Variants in DYNLL1 observed in about 807,000 individuals in gnomAD.
DYNLL1 encodes dynein light chain 1, cytoplasmic.
DYNLL1 carries 3 observed loss-of-function variants against 10.1 expected under a neutral mutation model. That is an observed-to-expected ratio of 0.30 (90% CI 0.14 to 0.77). The LOEUF is 0.77. Among genes scored for constraint, DYNLL1 ranks in the 30% least tolerant of loss-of-function variants. The pLI is 0.66. For synonymous variants in DYNLL1, 46 were observed against 41.2 expected, an observed-to-expected ratio of 1.12 and a Z score of -0.45; for missense variants, 47 against 111.7, an observed-to-expected ratio of 0.42 and a Z score of 2.61.
chr12:120,483,055 A>T (rs1463965458), intron 1 of DYNLL1, among the ~76,000 whole-genome samples: 2 of 151,956 alleles, frequency 1.3e-5, no homozygotes, highest in Non-Finnish European at 2.9e-5. Flanking sequence ...AAAGAAAAAA[A>T]AAGGCCAGGC....
At chr12:120,470,471 TTTTG>T (rs1201679081) in intron 1 of DYNLL1, among the ~76,000 whole-genome samples, 3 of 152,154 alleles carry the variant, frequency 2.0e-5, no homozygotes, top group Admixed American at 6.5e-5. Flanking sequence ...CCAGAAGACT[TTTTG>T]TTTGTTTTTG....
chr12:120,483,437 T>G (rs528575703), intron 1 of DYNLL1, among the ~76,000 whole-genome samples: 2 of 151,956 alleles, frequency 1.3e-5, no homozygotes, highest in African/African-American at 4.8e-5. Flanking sequence ...TTAAATTAGA[T>G]GTGAGGTGTG....
At chr12:120,470,667 G>A (rs1878628409) in intron 1 of DYNLL1, among the ~76,000 whole-genome samples, 1 of 152,102 alleles carries the variant, frequency 6.6e-6, no homozygotes, top group South Asian at 2.1e-4. Context: ...GAACTCCTGG[G>A]CTCAACCGAT....
In DYNLL1 at chr12:120,480,980, C is replaced by T. The variant is rs191309387; in HGVS notation, c.-7+10876C>T. On this transcript the variant is annotated intron_variant, in intron 1 of 2. Coordinates refer to the DYNLL1 transcript ENST00000392509. ...TTCACCATGTTCGCCAGGATGGTCT[C>T]GATCTCCTGACCTCGTGATCTGCCC... 3.2e-4 allele frequency among the ~76,000 whole-genome samples: 49 copies of T among 152,122 alleles called. No homozygotes were observed. In the East Asian group the frequency reaches 7.2e-3, roughly 22 times the overall value.
At chr12:120,479,465 AAAAAATAATAAT>A (rs1878834770) in intron 1 of DYNLL1, among the ~76,000 whole-genome samples, 1 of 125,010 alleles carries the variant, frequency 8.0e-6, no homozygotes, top group African/African-American at 2.8e-5. Context: ...AAAAAAAAAA[AAAAAATAATAAT>A]AATAATAATA....
intron 1 of DYNLL1, among the ~76,000 whole-genome samples, chr12:120,487,140 A>T (rs1372873078): frequency 6.6e-6 from 1 of 150,866 alleles, no homozygotes; most frequent in East Asian, 1.9e-4. Context: ...ACACCCGGCT[A>T]ATTTTTTGTA....
chr12:120,470,724 G>A (rs1345793958), intron 1 of DYNLL1, among the ~76,000 whole-genome samples: 3 of 151,290 alleles, frequency 2.0e-5, no homozygotes, highest in African/African-American at 4.8e-5. Flanking sequence ...GCTTGAGCCC[G>A]GCGCCCGGCT....
intron 1 of DYNLL1, among the ~76,000 whole-genome samples, chr12:120,487,068 A>G (rs1192948884): frequency 7.1e-6 from 1 of 139,926 alleles, no homozygotes; most frequent in Non-Finnish European, 1.5e-5. Context: ...TCTGCCTCCC[A>G]GGTTCACACC....
chr12:120,487,220 G>C (rs182464820), intron 1 of DYNLL1, among the ~76,000 whole-genome samples: 1 of 129,388 alleles, frequency 7.7e-6, no homozygotes, highest in East Asian at 2.5e-4. Context: ...TGATCCACCC[G>C]CCTCAGCCTC....
At chr12:120,476,281 TA>T (rs886356663) in intron 1 of DYNLL1, among the ~76,000 whole-genome samples, 1 of 149,644 alleles carries the variant, frequency 6.7e-6, no homozygotes, top group East Asian at 2.0e-4. Flanking sequence ...TCCTTAAAGG[TA>T]AAAAACAAGT....
chr12:120,471,211 A>C (rs184070552), intron 1 of DYNLL1, among the ~76,000 whole-genome samples: 3,374 of 71,716 alleles, frequency 0.047, 129 homozygotes, highest in African/African-American at 0.13. Flanking sequence ...CTAAAAATAC[A>C]AAAAAAAAAA....
At chr12:120,481,100 A>C (rs1252952915) in intron 1 of DYNLL1, among the ~76,000 whole-genome samples, 1 of 151,958 alleles carries the variant, frequency 6.6e-6, no homozygotes, top group Non-Finnish European at 1.5e-5. Flanking sequence ...GTAGTTTATG[A>C]TTCTTATATT....
upstream of DYNLL1, among the ~76,000 whole-genome samples, chr12:120,492,672 G>C (rs1157493970): frequency 6.6e-6 from 1 of 152,182 alleles, no homozygotes; most frequent in Non-Finnish European, 1.5e-5. This position sits in a 1 kb window ranked among gnomAD's most constrained non-coding sequence, Gnocchi z 4.1. Flanking sequence ...TCCAAAGCCC[G>C]TGCTCTCAGA....
intron 1 of DYNLL1, among the ~76,000 whole-genome samples, chr12:120,481,819 G>GTTTAATCAT (rs1333256768): frequency 6.6e-6 from 1 of 152,212 alleles, no homozygotes; most frequent in Non-Finnish European, 1.5e-5. Context: ...CCATATGTAT[G>GTTTAATCAT]TTAATAAAAT....
chr12:120,485,251 C>CTTTTTTTTT (rs34043402), intron 1 of DYNLL1, among the ~76,000 whole-genome samples: 2 of 76,844 alleles, frequency 2.6e-5, no homozygotes, highest in Non-Finnish European at 4.8e-5. Flanking sequence ...TTGTAGAAGG[C>CTTTTTTTTT]TTTTTTTTTT....
At chr12:120,496,696 G>A in intron 2 of DYNLL1, 143 bp downstream of exon 2, 2 of 1,353,844 alleles carry the variant, frequency 1.5e-6, no homozygotes, top group South Asian at 1.3e-5. Context: ...GGACGCAGAT[G>A]CATTTTGCGC....
At chr12:120,473,968 T>C (rs563517553) in intron 1 of DYNLL1, among the ~76,000 whole-genome samples, 1 of 140,492 alleles carries the variant, frequency 7.1e-6, no homozygotes, top group African/African-American at 2.7e-5. Flanking sequence ...AGACTCTGTC[T>C]CAAAACATAA....
chr12:120,485,653 A>T (rs1878977037), intron 1 of DYNLL1, among the ~76,000 whole-genome samples: 1 of 151,976 alleles, frequency 6.6e-6, no homozygotes. Flanking sequence ...CAGCCTGGGC[A>T]ACATAGTGAT....
intron 2 of DYNLL1, 143 bp from the exon 3 acceptor site, chr12:120,497,930 G>T: frequency 1.3e-6 from 1 of 799,520 alleles, no homozygotes; most frequent in Non-Finnish European, 1.9e-6. Flanking sequence ...AGGCGGCTTG[G>T]AGCTGGGGAA....
Sources: gnomAD v4.1 joint callset for allele counts (sites outside exome capture counted in the v4.1 genomes callset) on GRCh38, gnomAD v4.1.1 for gene constraint, Gnocchi (gnomAD v3.1) non-coding constraint, MANE v1.5 for transcripts, NCBI Gene and HGNC (gene_info 2026-07-23, HGNC 2026-07-21) for gene names.